IFNGR1: variants seen among roughly 807,000 people sequenced by gnomAD.
IFNGR1 encodes the protein AVP, type 2.
A neutral mutation model predicts 35.4 loss-of-function variants in IFNGR1; 23 were observed. The observed-to-expected ratio is 0.65, with a 90% CI of 0.47 to 0.92. The LOEUF (loss-of-function observed/expected upper bound fraction) is 0.92, where lower values mean the gene tolerates loss of function less well. IFNGR1 is among the 40% of genes least tolerant of loss of function. IFNGR1 has a pLI of 0.00. For missense variants in IFNGR1, 533 were observed against 583.4 expected, an observed-to-expected ratio of 0.91 and a Z score of 0.89; for synonymous variants, 199 against 209.5, an observed-to-expected ratio of 0.95 and a Z score of 0.43.
At chr6:137,216,522 C>G (rs1779700021) in intron 1 of IFNGR1, among the ~76,000 whole-genome samples, 1 of 152,192 alleles carries the variant, frequency 6.6e-6, no homozygotes, top group Non-Finnish European at 1.5e-5. Flanking sequence ...TGGAGACTGA[C>G]TATATCACCA....
rs142717311 is a variant in IFNGR1 at position 137,206,369 on chromosome 6, T to A, written c.201-61A>T. On this transcript the variant is annotated intron_variant, in intron 2 of 6. Coordinates refer to ENST00000367739, the MANE Select transcript of IFNGR1 (RefSeq NM_000416.3). ...TTGTTATTAAATAAACTCAAACCAT[T>A]TCTGTCTGTGCTTTGCTTTTTATTC... is the stretch of plus-strand genomic sequence containing the variant. 99 of 1,302,596 alleles carry A rather than the reference T, an allele frequency of 7.6e-5. No homozygotes were observed. In the African/African-American group the frequency reaches 1.3e-3, roughly 18 times the overall value. 80.7% of individuals were successfully genotyped at this position (1,302,596 alleles called of 1,614,324 possible).
At position 137,201,009 on chromosome 6, in the gene IFNGR1, C is replaced by CTT; in HGVS notation, c.734-3_734-2dup. 6.2e-7 allele frequency: 1 copy of CTT among 1,613,132 alleles called. No individual in the cohort carries two copies. The highest frequency in any genetic ancestry group is 8.5e-7 in the Non-Finnish European group (1 of 1,179,412). On this transcript the variant is annotated splice_acceptor_variant, in intron 5 of 6. Coordinates refer to ENST00000367739, the MANE Select transcript of IFNGR1 (RefSeq NM_000416.3). LOFTEE classifies it high-confidence loss of function. ...GCAACAACTGGAATCCAAAGAGAAC[C>CTT]TTAAAAAAGGCAGAAATCACAAGTT...
intron 1 of IFNGR1, among the ~76,000 whole-genome samples, chr6:137,215,981 C>T (rs1265199867): frequency 3.3e-5 from 5 of 152,186 alleles, no homozygotes; most frequent in African/African-American, 1.2e-4. Context: ...GGATTACAGG[C>T]ATGAGCCACT....
At chr6:137,215,665 ATTAC>A (rs1460056997) in intron 1 of IFNGR1, among the ~76,000 whole-genome samples, 1 of 152,088 alleles carries the variant, frequency 6.6e-6, no homozygotes, top group Non-Finnish European at 1.5e-5. Flanking sequence ...ATAGCTGTTT[ATTAC>A]TTTTCTTTAG....
intron 1 of IFNGR1, among the ~76,000 whole-genome samples, chr6:137,208,164 G>A (rs1229755222): frequency 6.6e-6 from 1 of 152,192 alleles, no homozygotes; most frequent in African/African-American, 2.4e-5. Flanking sequence ...GTATCTGGTG[G>A]AAGAAATTAC....
At chr6:137,206,894 C>T (rs1421649135) in intron 2 of IFNGR1, 69 bp downstream of exon 2, 2 of 1,192,206 alleles carry the variant, frequency 1.7e-6, no homozygotes, top group South Asian at 2.5e-5. Context: ...TGAAAGAACA[C>T]AGTTGTGGAA....
chr6:137,200,095 C>T (rs1308857288), intron 6 of IFNGR1, among the ~76,000 whole-genome samples: 3 of 152,104 alleles, frequency 2.0e-5, no homozygotes, highest in African/African-American at 4.8e-5. Flanking sequence ...TGTAAAATGG[C>T]ATACTGCAAG....
In IFNGR1 at chr6:137,206,127, T is replaced by C. The variant is rs1779421356; in HGVS notation, c.373+9A>G. The C allele has an allele frequency of 1.2e-6, 2 of 1,609,634 alleles. No homozygotes were observed. ...ATTTAAAATTTACATGTGTACACAT[T>C]CTACTCACCATCTCGGCATACAGCA... On this transcript the variant is annotated intron_variant, in intron 3 of 6. Transcript: ENST00000367739.
chr6:137,208,286 A>G (rs577301246), intron 1 of IFNGR1, among the ~76,000 whole-genome samples: 1 of 152,338 alleles, frequency 6.6e-6, no homozygotes, highest in African/African-American at 2.4e-5. Flanking sequence ...ATGAGACAGA[A>G]AAGAAAAACC....
rs528222354 is a variant in IFNGR1 at position 137,219,385 on chromosome 6, T to C, written c.-58A>G. The C allele has an allele frequency of 3.7e-5, 58 of 1,560,330 alleles. No individual in the cohort carries two copies. The highest frequency in any genetic ancestry group is 4.4e-5 in the Non-Finnish European group (51 of 1,152,252). On this transcript the variant is annotated 5_prime_UTR_variant, in exon 1 of 7. Coordinates refer to ENST00000367739, the MANE Select transcript of IFNGR1 (RefSeq NM_000416.3). ...AGCGCCTGCGGGACCAGCCCAGCAC[T>C]GCCCTCCAGCCCCGGCCTTACGTCA... is the stretch of plus-strand genomic sequence containing the variant.
chr6:137,209,040 A>T (rs1391333578), intron 1 of IFNGR1, among the ~76,000 whole-genome samples: 1 of 152,200 alleles, frequency 6.6e-6, no homozygotes, highest in East Asian at 1.9e-4. Flanking sequence ...GTCAAAGGAG[A>T]TCATTTCGGA....
intron 6 of IFNGR1, among the ~76,000 whole-genome samples, chr6:137,199,536 A>ATATATTATATATTATATATAC: frequency 1.6e-5 from 1 of 62,364 alleles, no homozygotes; most frequent in East Asian, 4.5e-4. Context: ...ATAATATATA[A>ATATATTATATATTATATATAC]TATATATTAT....
In IFNGR1 at chr6:137,206,223, T is replaced by G; in HGVS notation, c.286A>C (p.Asn96His). Residue 96 changes from asparagine (N) to histidine (H), a missense_variant, in exon 3 of 7, where the codon AAT becomes CAT. By Grantham distance (68) the Asn-to-His change is moderately conservative (BLOSUM62 1). Transcript: ENST00000367739. The part of the protein sequence containing the change: ...NISDHVGDPS[N>H]SLWVRVKARV... ...GCTTTAACTCTGACCCAAAGAGAAT[T>G]TGATGGATCACCAACATGATCAGAA... is the stretch of plus-strand genomic sequence containing the variant. The G allele has an allele frequency of 1.2e-6, 2 of 1,612,808 alleles. No individual in the cohort carries two copies. Among genetic ancestry groups the G allele is most frequent in the South Asian group, 1.1e-5 (1 of 91,070 alleles).
intron 4 of IFNGR1, 48 bp from the exon 5 acceptor site, chr6:137,203,733 GAAAAA>G: frequency 8.3e-7 from 1 of 1,208,400 alleles, no homozygotes. Flanking sequence ...CTTTTAATCT[GAAAAA>G]AAAAAAAAAT....
chr6:137,215,339 T>C, intron 1 of IFNGR1: 1 of 1,544,694 alleles, frequency 6.5e-7, no homozygotes, highest in South Asian at 1.2e-5. Flanking sequence ...AGGTAATGTT[T>C]CCTGATTTTA....
chr6:137,209,090 A>C (rs991445852), intron 1 of IFNGR1, among the ~76,000 whole-genome samples: 1 of 152,180 alleles, frequency 6.6e-6, no homozygotes, highest in African/African-American at 2.4e-5. Context: ...ATGGACTTGC[A>C]TGGGCTCTAT....
chr6:137,211,894 T>C (rs1233438594), intron 1 of IFNGR1, among the ~76,000 whole-genome samples: 1 of 152,200 alleles, frequency 6.6e-6, no homozygotes, highest in South Asian at 2.1e-4. Context: ...ACAGAGGTAC[T>C]TGATGCTAAG....
At chr6:137,218,392 G>A (rs1227785006) in intron 1 of IFNGR1, 1 of 822,826 alleles carries the variant, frequency 1.2e-6, no homozygotes, top group Non-Finnish European at 1.8e-6. Flanking sequence ...TCTAGGAAAT[G>A]TCAATAAGCA....
intron 1 of IFNGR1, among the ~76,000 whole-genome samples, chr6:137,211,199 C>A (rs1779565419): frequency 6.6e-6 from 1 of 151,744 alleles, no homozygotes; most frequent in South Asian, 2.1e-4. Flanking sequence ...ACAGCCTCCA[C>A]AACAAAAAAT....
Sources: gnomAD v4.1 joint callset for allele counts (sites outside exome capture counted in the v4.1 genomes callset) on GRCh38, gnomAD v4.1.1 for gene constraint, MANE v1.5 for transcripts, NCBI Gene and HGNC (gene_info 2026-07-23, HGNC 2026-07-21) for gene names.